The following LOC128125814 variants were observed in gnomAD, a reference collection of about 807,000 sequenced individuals.
the LOC128125814 span, among the ~76,000 whole-genome samples, chr12:57,519,973 A>C: frequency 6.6e-6 from 1 of 152,234 alleles, no homozygotes; most frequent in Non-Finnish European, 1.5e-5. Context: ...CCATGCTGAC[A>C]CCAGAGGCAC....
chr12:57,517,742 CCTT>C, the LOC128125814 span: 3 of 480,372 alleles, frequency 6.2e-6, no homozygotes, highest in African/African-American at 5.9e-5. Flanking sequence ...AGATACACTT[CCTT>C]CTTGAACACT....
At chr12:57,517,832 C>CTT in the LOC128125814 span, 1,382 of 383,248 alleles carry the variant, frequency 3.6e-3, 1 homozygote, top group South Asian at 8.9e-3. Flanking sequence ...TTTTTTCTTT[C>CTT]TTTTTTTTTT....
chr12:57,519,340 C>T, the LOC128125814 span: 17 of 395,440 alleles, frequency 4.3e-5, no homozygotes, highest in Non-Finnish European at 7.1e-5. Context: ...TAGCTTTCTC[C>T]GTGGCACTTA....
At chr12:57,519,122 C>G in the LOC128125814 span, 1 of 532,760 alleles carries the variant, frequency 1.9e-6, no homozygotes, top group African/African-American at 1.9e-5. Flanking sequence ...TCTTGCCACC[C>G]CTCCGCAACT....
chr12:57,518,244 T>G, the LOC128125814 span, among the ~76,000 whole-genome samples: 1 of 152,232 alleles, frequency 6.6e-6, no homozygotes, highest in African/African-American at 2.4e-5. Flanking sequence ...TTATTTTTAG[T>G]TGCTGACATT....
the LOC128125814 span, among the ~76,000 whole-genome samples, chr12:57,518,783 G>A: frequency 3.3e-5 from 5 of 152,032 alleles, no homozygotes; most frequent in African/African-American, 1.2e-4. Flanking sequence ...TTCAGCCTCC[G>A]GAGTAGCTGG....
the LOC128125814 span, among the ~76,000 whole-genome samples, chr12:57,518,902 A>G: frequency 6.6e-6 from 1 of 152,086 alleles, no homozygotes; most frequent in Non-Finnish European, 1.5e-5. Context: ...CAGGTGATCC[A>G]CCCACCTCTG....
At chr12:57,519,957 A>G in the LOC128125814 span, among the ~76,000 whole-genome samples, 199 of 152,324 alleles carry the variant, frequency 1.3e-3, 5 homozygotes, top group East Asian at 0.028. Flanking sequence ...CCAGCTACCA[A>G]GGTGGCCATG....
the LOC128125814 span, chr12:57,517,809 C>T: frequency 2.4e-6 from 1 of 424,766 alleles, no homozygotes; most frequent in Non-Finnish European, 4.1e-6. Context: ...AGGCAACTTA[C>T]TTTTCTTTTT....
chr12:57,520,263 G>T, the LOC128125814 span, among the ~76,000 whole-genome samples: 1 of 152,186 alleles, frequency 6.6e-6, no homozygotes, highest in East Asian at 1.9e-4. Flanking sequence ...AGCAATAGGG[G>T]TTTGTAAGCA....
chr12:57,520,139 T>C, the LOC128125814 span, among the ~76,000 whole-genome samples: 1 of 152,208 alleles, frequency 6.6e-6, no homozygotes, highest in African/African-American at 2.4e-5. Flanking sequence ...GGCCTGAAGT[T>C]GGCTACGGGA....
At chr12:57,519,020 C>A in the LOC128125814 span, 1 of 515,424 alleles carries the variant, frequency 1.9e-6, no homozygotes, top group South Asian at 1.4e-5. Context: ...CTAAACACTT[C>A]TAATTCCATT....
At chr12:57,517,820 CT>C in the LOC128125814 span, 422 of 425,260 alleles carry the variant, frequency 9.9e-4, 2 homozygotes, top group African/African-American at 7.8e-3. Context: ...TTTTCTTTTT[CT>C]TTTTTTCTTT....
At chr12:57,517,884 T>G in the LOC128125814 span, 1 of 414,490 alleles carries the variant, frequency 2.4e-6, no homozygotes, top group Non-Finnish European at 4.2e-6. Flanking sequence ...TGAAGTGCAG[T>G]GGTGCGATCT....
At chr12:57,519,646 G>C in the LOC128125814 span, among the ~76,000 whole-genome samples, 2 of 152,204 alleles carry the variant, frequency 1.3e-5, no homozygotes, top group African/African-American at 4.8e-5. Context: ...ATCAGCAGTA[G>C]AGCCTCAGGT....
At chr12:57,520,102 C>T in the LOC128125814 span, among the ~76,000 whole-genome samples, 1 of 152,204 alleles carries the variant, frequency 6.6e-6, no homozygotes, top group Non-Finnish European at 1.5e-5. Context: ...TGCTGACCTG[C>T]CTCCCCGCGG....
chr12:57,517,748 T>C, the LOC128125814 span: 1 of 477,034 alleles, frequency 2.1e-6, no homozygotes, highest in Non-Finnish European at 3.7e-6. Flanking sequence ...ACTTCCTTCT[T>C]GAACACTGTG....
At chr12:57,518,461 C>T in the LOC128125814 span, among the ~76,000 whole-genome samples, 1 of 152,220 alleles carries the variant, frequency 6.6e-6, no homozygotes, top group East Asian at 1.9e-4. Context: ...ACTCTGCTGT[C>T]TACTGCCTAC....
chr12:57,519,220 T>C, the LOC128125814 span: 9 of 532,940 alleles, frequency 1.7e-5, no homozygotes, highest in South Asian at 1.1e-4. Context: ...TTTCATGTCA[T>C]GGAAGTCACT....
Sources: gnomAD v4.1 joint callset for allele counts (sites outside exome capture counted in the v4.1 genomes callset) on GRCh38, gnomAD v4.1.1 for gene constraint, MANE v1.5 for transcripts.